The following ADRA1B variants were observed in gnomAD, a reference collection of about 807,000 sequenced individuals.
ADRA1B encodes the protein adrenoceptor alpha 1B, also known as alpha-1B adrenergic receptor.
A neutral mutation model predicts 17.9 loss-of-function variants in ADRA1B; 17 were observed. That is an observed-to-expected ratio of 0.95 (90% CI 0.65 to 1.42). ADRA1B has a LOEUF of 1.42. Among genes scored for constraint, ADRA1B ranks in the 40% most tolerant of loss-of-function variants. ADRA1B has a pLI of 0.00. For synonymous variants in ADRA1B, 366 were observed against 327.6 expected (o/e 1.12, Z -1.27); for missense variants, 681 against 722.1 (o/e 0.94, Z 0.65).
At chr5:159,920,534 G>A (rs150382995) in intron 1 of ADRA1B, among the ~76,000 whole-genome samples, 7 of 152,082 alleles carry the variant, frequency 4.6e-5, no homozygotes, top group East Asian at 1.9e-4. Flanking sequence ...ACTATCATGC[G>A]ACGATCTCCC....
chr5:159,868,438 T>C (rs1268689406), intron 1 of ADRA1B: 1 of 152,138 alleles, frequency 6.6e-6, no homozygotes, highest in African/African-American at 2.4e-5. Context: ...ATAAATAGGA[T>C]TGGGACAAAA....
downstream of ADRA1B, among the ~76,000 whole-genome samples, chr5:159,977,292 C>T (rs765353091): frequency 2.0e-5 from 3 of 152,134 alleles, no homozygotes; most frequent in Non-Finnish European, 2.9e-5. Context: ...AATCTTGCCC[C>T]GTGTTAGACA....
At chr5:159,888,756 G>A (rs1275613235) in intron 1 of ADRA1B, among the ~76,000 whole-genome samples, 4 of 152,218 alleles carry the variant, frequency 2.6e-5, no homozygotes, top group African/African-American at 9.6e-5. Context: ...GCCAGGAAGG[G>A]TGATGGAACC....
intron 1 of ADRA1B, among the ~76,000 whole-genome samples, chr5:159,942,910 GTAAT>G (rs1334133178): frequency 6.6e-6 from 1 of 152,120 alleles, no homozygotes; most frequent in Non-Finnish European, 1.5e-5. Context: ...TATTACATGT[GTAAT>G]TAATAATTTG....
intron 1 of ADRA1B, among the ~76,000 whole-genome samples, chr5:159,897,668 T>C (rs1165138341): frequency 6.6e-6 from 1 of 152,216 alleles, no homozygotes; most frequent in Non-Finnish European, 1.5e-5. Context: ...TTGTCCTGTA[T>C]GGGTCTTTAA....
intron 1 of ADRA1B, among the ~76,000 whole-genome samples, chr5:159,941,805 C>G (rs1324824730): frequency 6.6e-6 from 1 of 151,792 alleles, no homozygotes. Context: ...TCATATAATT[C>G]TATTAAAACA....
chr5:159,977,927 A>C (rs1755996439), downstream of ADRA1B, among the ~76,000 whole-genome samples: 1 of 144,848 alleles, frequency 6.9e-6, no homozygotes, highest in Non-Finnish European at 1.5e-5. Flanking sequence ...TTCCTCCATC[A>C]CCTCCTTCTC....
intron 1 of ADRA1B, among the ~76,000 whole-genome samples, chr5:159,961,149 G>A (rs911110226): frequency 2.6e-5 from 4 of 152,200 alleles, no homozygotes; most frequent in African/African-American, 9.6e-5. Context: ...TATTAAACGA[G>A]TAAAAACCCA....
intron 1 of ADRA1B, among the ~76,000 whole-genome samples, chr5:159,927,674 A>G (rs1754697339): frequency 6.6e-6 from 1 of 152,206 alleles, no homozygotes; most frequent in African/African-American, 2.4e-5. Context: ...TACTTATTAT[A>G]ATAACCCTTT....
chr5:159,908,058 C>T (rs1305909426), intron 1 of ADRA1B, among the ~76,000 whole-genome samples: 1 of 152,050 alleles, frequency 6.6e-6, no homozygotes, highest in African/African-American at 2.4e-5. Context: ...GTCTCCCACC[C>T]TTCTTGGAAG....
intron 1 of ADRA1B, among the ~76,000 whole-genome samples, chr5:159,881,299 T>TTCTCTCTGTCTCTCTCTCTCTCTC (rs56069000): frequency 6.8e-5 from 9 of 132,070 alleles, no homozygotes; most frequent in African/African-American, 2.6e-4. Context: ...TATCAGAAAG[T>TTCTCTCTGTCTCTCTCTCTCTCTC]TCTCTCTCTC....
intron 1 of ADRA1B, among the ~76,000 whole-genome samples, chr5:159,876,429 C>T (rs538703199): frequency 6.6e-6 from 1 of 152,248 alleles, no homozygotes; most frequent in East Asian, 1.9e-4. Context: ...TATCCAGGAG[C>T]AAAATATTTT....
upstream of ADRA1B, chr5:159,916,013 GT>G (rs1353181443): frequency 6.6e-6 from 1 of 152,330 alleles, no homozygotes; most frequent in Non-Finnish European, 1.5e-5. Flanking sequence ...GGGCCAAAGA[GT>G]TTGCACGGGG....
intron 1 of ADRA1B, among the ~76,000 whole-genome samples, chr5:159,944,686 A>G (rs1216990042): frequency 6.6e-5 from 10 of 151,386 alleles, no homozygotes; most frequent in African/African-American, 2.4e-5. Flanking sequence ...ACCTCCTTCA[A>G]TCTTTACAAC....
At chr5:159,900,982 C>G (rs1754094673) in intron 1 of ADRA1B, among the ~76,000 whole-genome samples, 1 of 152,172 alleles carries the variant, frequency 6.6e-6, no homozygotes, top group South Asian at 2.1e-4. Flanking sequence ...ACTATGAAAA[C>G]AAGCTCATGG....
chr5:159,954,409 T>C (rs1755513218), intron 1 of ADRA1B, among the ~76,000 whole-genome samples: 1 of 152,098 alleles, frequency 6.6e-6, no homozygotes, highest in Non-Finnish European at 1.5e-5. Flanking sequence ...ATGAATCCCA[T>C]TCATGAGGGC....
chr5:159,988,167 T>G, the ADRA1B span, among the ~76,000 whole-genome samples: 4 of 152,116 alleles, frequency 2.6e-5, no homozygotes, highest in Non-Finnish European at 4.4e-5. Context: ...GACGGACATT[T>G]TAAGATGCCA....
intron 1 of ADRA1B, among the ~76,000 whole-genome samples, chr5:159,954,469 A>G (rs1378986609): frequency 6.6e-6 from 1 of 152,178 alleles, no homozygotes; most frequent in Non-Finnish European, 1.5e-5. Flanking sequence ...TCCTGATACC[A>G]TCACCTGGCA....
intron 1 of ADRA1B, among the ~76,000 whole-genome samples, chr5:159,957,619 T>C (rs1473135232): frequency 6.6e-6 from 1 of 152,144 alleles, no homozygotes; most frequent in Non-Finnish European, 1.5e-5. Context: ...TTTTCTCTTA[T>C]TTATTTGAAA....
Sources: gnomAD v4.1 joint callset for allele counts (sites outside exome capture counted in the v4.1 genomes callset) on GRCh38, gnomAD v4.1.1 for gene constraint, MANE v1.5 for transcripts, NCBI Gene and HGNC (gene_info 2026-07-23, HGNC 2026-07-21) for gene names.